ADAM22: variants seen among roughly 807,000 people sequenced by gnomAD.
ADAM22 encodes ADAM metallopeptidase domain 22.
A neutral mutation model predicts 144.6 loss-of-function variants in ADAM22; 65 were observed. The ratio of observed to expected loss-of-function variants is 0.45; its 90% CI spans 0.37 to 0.55. The LOEUF is 0.55. Ranked by LOEUF, ADAM22 falls within the 20% of genes least tolerant of loss-of-function variation. ADAM22 has a pLI of 0.00. For missense variants in ADAM22, 974 were observed against 1,184.9 expected (o/e 0.82, Z 2.61); for synonymous variants, 391 against 412.6 (o/e 0.95, Z 0.63).
chr7:88,010,848 A>G (rs1163906985), intron 3 of ADAM22, among the ~76,000 whole-genome samples: 1 of 152,230 alleles, frequency 6.6e-6, no homozygotes, highest in Non-Finnish European at 1.5e-5. Context: ...GAAGTCATCA[A>G]CTGATGAAAC....
chr7:88,018,000 C>T (rs1189836876), intron 3 of ADAM22, among the ~76,000 whole-genome samples: 1 of 151,992 alleles, frequency 6.6e-6, no homozygotes, highest in Non-Finnish European at 1.5e-5. Flanking sequence ...TGTGATGGTC[C>T]CATTGAGTTA....
intron 14 of ADAM22, 76 bp from the exon 15 acceptor site, chr7:88,142,950 A>G (rs1563313946): frequency 1.2e-6 from 1 of 856,252 alleles, no homozygotes; most frequent in South Asian, 1.6e-5. Flanking sequence ...ATACAATTTT[A>G]AGTCTTCAGT....
Position 88,075,690 on chromosome 7 carries a change from AAAGT to A in ADAM22, c.390+3_390+6del. ...ACATGGAGGCAAGACTGTGGAAGTT[AAAGT>A]AAGTGAAATTTTCCTACTTGTGGGG... On this transcript the variant is annotated splice_donor_variant and coding_sequence_variant, in exon 4 of 32. Coordinates refer to ENST00000413139, the MANE Select transcript of ADAM22 (RefSeq NM_001324418.2). LOFTEE classifies it high-confidence loss of function. The A allele has an allele frequency of 6.2e-7, 1 of 1,612,684 alleles. No individual in the cohort carries two copies. Among genetic ancestry groups the A allele is most frequent in the Non-Finnish European group, 8.5e-7 (1 of 1,179,208 alleles).
At chr7:88,145,241 G>T in intron 16 of ADAM22, 45 bp downstream of exon 16, 1 of 1,596,158 alleles carries the variant, frequency 6.3e-7, no homozygotes, top group Non-Finnish European at 8.6e-7. Context: ...GTAATTCAGG[G>T]TCATTCCAGG....
chr7:88,175,471 T>C (rs1221721244), intron 26 of ADAM22, among the ~76,000 whole-genome samples: 1 of 152,100 alleles, frequency 6.6e-6, no homozygotes, highest in Non-Finnish European at 1.5e-5. Flanking sequence ...AATGCCAAAG[T>C]TGTACAGAGA....
At chr7:88,083,190 G>T (rs1021570581) in intron 4 of ADAM22, among the ~76,000 whole-genome samples, 3 of 152,132 alleles carry the variant, frequency 2.0e-5, no homozygotes, top group Non-Finnish European at 2.9e-5. Flanking sequence ...CCTTTGTAGG[G>T]ACATGGATGA....
chr7:88,082,028 C>T (rs78434302), intron 4 of ADAM22, among the ~76,000 whole-genome samples: 6 of 151,476 alleles, frequency 4.0e-5, no homozygotes, highest in Admixed American at 3.9e-4. Flanking sequence ...CACATTGCCA[C>T]GTGAATCCTA....
intron 3 of ADAM22, among the ~76,000 whole-genome samples, chr7:88,038,770 T>TTTC (rs933231841): frequency 1.3e-5 from 2 of 151,498 alleles, no homozygotes; most frequent in Non-Finnish European, 2.9e-5. Flanking sequence ...ATAATAGATA[T>TTTC]TTCTTCTTCT....
intron 8 of ADAM22, among the ~76,000 whole-genome samples, chr7:88,126,508 A>G (rs1403817861): frequency 6.6e-6 from 1 of 151,994 alleles, no homozygotes; most frequent in Admixed American, 6.6e-5. Flanking sequence ...ATTTTATTGA[A>G]TACTTACCTT....
chr7:88,122,525 C>T (rs1219414414), intron 7 of ADAM22, among the ~76,000 whole-genome samples: 2 of 152,168 alleles, frequency 1.3e-5, no homozygotes, highest in Admixed American at 1.3e-4. Flanking sequence ...AAAATACATT[C>T]TCTTCCTCCC....
At chr7:88,189,562 A>G (rs1849121869) in intron 30 of ADAM22, among the ~76,000 whole-genome samples, 1 of 152,218 alleles carries the variant, frequency 6.6e-6, no homozygotes, top group Admixed American at 6.5e-5. Flanking sequence ...CTCTGAATCC[A>G]AAATCTGTAC....
chr7:88,054,664 C>T (rs1296121877), intron 3 of ADAM22, among the ~76,000 whole-genome samples: 1 of 150,202 alleles, frequency 6.7e-6, no homozygotes, highest in Non-Finnish European at 1.5e-5. Context: ...GTTTCCCCTG[C>T]ACGCTTCTAT....
chr7:88,184,703 G>A (rs1295381923), intron 29 of ADAM22, among the ~76,000 whole-genome samples: 1 of 152,060 alleles, frequency 6.6e-6, no homozygotes, highest in African/African-American at 2.4e-5. Flanking sequence ...CCATGACCTT[G>A]AGATATCAGG....
chr7:88,157,032 A>T (rs1840166294), intron 22 of ADAM22, among the ~76,000 whole-genome samples: 2 of 152,094 alleles, frequency 1.3e-5, no homozygotes. Context: ...CTGTTTTTTT[A>T]AACAGGGAAC....
chr7:88,182,109 A>C lies in ADAM22; in HGVS notation c.2663+85A>C, dbSNP rs1586573199. On this transcript the variant is annotated intron_variant, in intron 29 of 31. Coordinates refer to ENST00000413139, the MANE Select transcript of ADAM22 (RefSeq NM_001324418.2). ...AGTAAATTAAGCAGATAGTCAAAGA[A>C]CTGTAAACCATGTCTCCGGTCTTGG... is the stretch of plus-strand genomic sequence containing the variant. The C allele has an allele frequency of 4.2e-6, 5 of 1,187,612 alleles. No homozygotes were observed. In the African/African-American group the frequency reaches 6.2e-5, roughly 15 times the overall value. The allele number at this position is 1,187,612 out of a possible 1,614,324, so 73.6% of individuals were successfully genotyped here.
intron 7 of ADAM22, among the ~76,000 whole-genome samples, chr7:88,123,411 A>C (rs1040494697): frequency 6.6e-6 from 1 of 152,094 alleles, no homozygotes. Flanking sequence ...ATTAAGAATT[A>C]AAGTTATTTA....
intron 3 of ADAM22, among the ~76,000 whole-genome samples, chr7:88,033,213 G>A (rs909856631): frequency 3.3e-5 from 5 of 152,200 alleles, no homozygotes; most frequent in Admixed American, 1.3e-4. Flanking sequence ...CTTGGGTGTT[G>A]TGATATACAT....
Position 88,119,736 on chromosome 7 carries a change from G to A in ADAM22, c.607+2922G>A, listed in dbSNP as rs543756276. On this transcript the variant is annotated intron_variant, in intron 7 of 31. Coordinates refer to ENST00000413139, the MANE Select transcript of ADAM22 (RefSeq NM_001324418.2). ...ATTCCTGACCTCAAGTGATCCACCC[G>A]CCTTGGCCTCCCAGAGTGCTGGGAT... is the stretch of plus-strand genomic sequence containing the variant. Among the ~76,000 whole-genome samples, 290 of 152,290 alleles carry A rather than the reference G, an allele frequency of 1.9e-3. 3 individuals carry two copies. The highest frequency in any genetic ancestry group is 6.5e-3 in the African/African-American group (269 of 41,550).
intron 2 of ADAM22, among the ~76,000 whole-genome samples, chr7:87,952,623 C>A (rs1158049629): frequency 6.6e-6 from 1 of 151,848 alleles, no homozygotes; most frequent in Non-Finnish European, 1.5e-5. Flanking sequence ...TGTGTCTCTG[C>A]CTGGCTTTGG....
Sources: gnomAD v4.1 joint callset for allele counts (sites outside exome capture counted in the v4.1 genomes callset) on GRCh38, gnomAD v4.1.1 for gene constraint, MANE v1.5 for transcripts, NCBI Gene and HGNC (gene_info 2026-07-23, HGNC 2026-07-21) for gene names.